The following PLD1 variants were observed in gnomAD, a reference collection of about 807,000 sequenced individuals.
PLD1 encodes choline phosphatase 1.
Under a neutral mutation model 137.1 loss-of-function variants are expected in PLD1, and 112 were observed. The observed-to-expected ratio is 0.82, with a 90% confidence interval of 0.70 to 0.96. PLD1 has a LOEUF of 0.96. Ranked by LOEUF, PLD1 falls within the 40% of genes least tolerant of loss-of-function variation. The probability of loss-of-function intolerance (pLI) is 0.00; values close to 1 mark genes in which losing one functional copy is unlikely to be tolerated. For synonymous variants in PLD1, 431 were observed against 454.7 expected (o/e 0.95, Z 0.66); for missense variants, 1,321 against 1,342.0 (o/e 0.98, Z 0.24).
At chr3:171,690,832 C>T (rs1715083456) in intron 13 of PLD1, among the ~76,000 whole-genome samples, 1 of 152,122 alleles carries the variant, frequency 6.6e-6, no homozygotes, top group South Asian at 2.1e-4. Flanking sequence ...TCTGTATGCC[C>T]ATTGGATCCA....
At chr3:171,689,488 CTCCT>C (rs200165498) in intron 13 of PLD1, among the ~76,000 whole-genome samples, 4,361 of 149,724 alleles carry the variant, frequency 0.029, 110 homozygotes, top group Non-Finnish European at 0.038. Flanking sequence ...CCTTCCTTCC[CTCCT>C]TCCTTCCTTC....
intron 13 of PLD1, among the ~76,000 whole-genome samples, chr3:171,689,782 A>ACG (rs1714965917): frequency 2.6e-5 from 4 of 151,922 alleles, no homozygotes; most frequent in Non-Finnish European, 4.4e-5. Flanking sequence ...GACTACATGC[A>ACG]TGAGCCACCA....
Position 171,601,539 on chromosome 3 carries a change from T to C in PLD1, c.*1539A>G, listed in dbSNP as rs1339035851. The C allele has an allele frequency of 6.6e-6, 1 of 152,112 alleles. No homozygotes were observed. Among genetic ancestry groups the C allele is most frequent in the East Asian group, 1.9e-4 (1 of 5,204 alleles). The allele number at this position is 152,112 out of a possible 1,614,324, so 9.4% of individuals were successfully genotyped here. A position where few individuals can be genotyped will look rare whatever the true frequency, so the allele number is the denominator to read the frequency against. ...TATTGGTTACAAAATCTCACCTTAT[T>C]TGTGAAATGTTCCCTAGCTATGAGA... On this transcript the variant is annotated 3_prime_UTR_variant, in exon 27 of 27. Coordinates refer to ENST00000351298, the MANE Select transcript of PLD1 (RefSeq NM_002662.5).
intron 1 of PLD1, among the ~76,000 whole-genome samples, chr3:171,762,372 A>T (rs918459009): frequency 2.0e-5 from 3 of 152,222 alleles, no homozygotes; most frequent in Non-Finnish European, 4.4e-5. Flanking sequence ...AAATATCCAC[A>T]TGAAGTAAGA....
At chr3:171,724,608 G>T in intron 8 of PLD1, 88 bp downstream of exon 8, 1 of 763,176 alleles carries the variant, frequency 1.3e-6, no homozygotes, top group Non-Finnish European at 2.3e-6. Context: ...GCTTTTAAAG[G>T]ATTTATAATT....
At chr3:171,805,529 C>T (rs905438168) in intron 1 of PLD1, among the ~76,000 whole-genome samples, 1 of 152,204 alleles carries the variant, frequency 6.6e-6, no homozygotes, top group Non-Finnish European at 1.5e-5. Flanking sequence ...GCCCAATCTC[C>T]TCACAATCAG....
rs1459702724 is a variant in PLD1 at position 171,602,830 on chromosome 3, C to T, written c.*248G>A. 1 of 508,724 alleles carries T rather than the reference C, an allele frequency of 2.0e-6. No homozygotes were observed. The highest frequency in any genetic ancestry group is 3.5e-6 in the Non-Finnish European group (1 of 285,038). The allele number at this position is 508,724 out of a possible 1,614,324, so 31.5% of individuals were successfully genotyped here. On this transcript the variant is annotated 3_prime_UTR_variant, in exon 27 of 27. Coordinates refer to ENST00000351298, the MANE Select transcript of PLD1 (RefSeq NM_002662.5). ...GAATTTGAATATGTGTTTTACTCAA[C>T]AGAGTACATGCTACCAACAAGAATG...
chr3:171,802,053 T>C (rs920398068), intron 1 of PLD1, among the ~76,000 whole-genome samples: 1 of 152,224 alleles, frequency 6.6e-6, no homozygotes, highest in African/African-American at 2.4e-5. Context: ...TGAATCATTG[T>C]CATAAAAACA....
At chr3:171,639,848 C>CTCTCTATATATATATATATATATA (rs3050415) in intron 23 of PLD1, among the ~76,000 whole-genome samples, 2 of 110,192 alleles carry the variant, frequency 1.8e-5, no homozygotes, top group African/African-American at 7.8e-5. Context: ...CTCTCTCTCT[C>CTCTCTATATATATATATATATATA]TATATATATA....
intron 1 of PLD1, among the ~76,000 whole-genome samples, chr3:171,764,502 G>A (rs1222122683): frequency 6.6e-6 from 1 of 152,028 alleles, no homozygotes; most frequent in African/African-American, 2.4e-5. Context: ...ATCTAACCCA[G>A]TAATTTTGCA....
intron 1 of PLD1, among the ~76,000 whole-genome samples, chr3:171,763,913 T>C (rs1399069626): frequency 2.0e-5 from 3 of 148,300 alleles, no homozygotes; most frequent in Non-Finnish European, 3.0e-5. Flanking sequence ...TAGGAAGCAG[T>C]AATCAGCCTA....
intron 23 of PLD1, among the ~76,000 whole-genome samples, chr3:171,625,395 C>T (rs1316788961): frequency 6.6e-6 from 1 of 152,256 alleles, no homozygotes; most frequent in Non-Finnish European, 1.5e-5. Context: ...GGAGGCCTGC[C>T]TGCCTCTGTA....
At chr3:171,647,483 CTT>C (rs1736346802) in intron 21 of PLD1, among the ~76,000 whole-genome samples, 1 of 151,150 alleles carries the variant, frequency 6.6e-6, no homozygotes. Flanking sequence ...GAGTTTCGCT[CTT>C]GTTGCCCAGG....
chr3:171,652,237 C>T (rs573108624), intron 21 of PLD1, among the ~76,000 whole-genome samples: 1 of 152,138 alleles, frequency 6.6e-6, no homozygotes, highest in East Asian at 1.9e-4. Flanking sequence ...CACAGTGAAA[C>T]CCCGTCTCTA....
At chr3:171,758,668 T>C (rs41273599) in intron 1 of PLD1, among the ~76,000 whole-genome samples, 8,345 of 152,286 alleles carry the variant, frequency 0.055, 315 homozygotes, top group Middle Eastern at 0.19. Context: ...AAACACTTCC[T>C]TCATGATAGG....
At chr3:171,686,998 G>A (rs1023086017) in intron 15 of PLD1, among the ~76,000 whole-genome samples, 200 bp from the exon 16 acceptor site, 16 of 152,194 alleles carry the variant, frequency 1.1e-4, no homozygotes, top group Admixed American at 5.9e-4. Flanking sequence ...GATGTTTGAC[G>A]AAATAAGCTT....
At chr3:171,809,182 G>A (rs1724006715) in intron 1 of PLD1, 1 of 152,176 alleles carries the variant, frequency 6.6e-6, no homozygotes, top group African/African-American at 2.4e-5. Flanking sequence ...AAGCCAGACT[G>A]AGCGCTTATA....
Position 171,640,531 on chromosome 3 carries a change from T to C in PLD1, c.2593+2309A>G, listed in dbSNP as rs563175919. The stretch of plus-strand genomic sequence containing the variant: ...CATTGTGGTCAGAGAACATACTTTA[T>C]ACAATTCCTTAAATGCCTGTACCAA... On this transcript the variant is annotated intron_variant, in intron 23 of 26. Transcript: ENST00000351298. Among the ~76,000 whole-genome samples, 3 of 152,364 alleles carry C rather than the reference T, an allele frequency of 2.0e-5. No homozygotes were observed. The East Asian group carries it at 5.8e-4, about 29-fold the overall frequency.
At chr3:171,717,875 GCT>G (rs1306968581) in intron 8 of PLD1, among the ~76,000 whole-genome samples, 1 of 152,118 alleles carries the variant, frequency 6.6e-6, no homozygotes, top group East Asian at 1.9e-4. Context: ...GTCATAGATG[GCT>G]CTTATTATTT....
Sources: allele counts gnomAD v4.1 joint callset (sites outside exome capture counted in the v4.1 genomes callset), GRCh38; gene constraint gnomAD v4.1.1; transcripts MANE v1.5; gene names NCBI Gene and HGNC (gene_info 2026-07-23, HGNC 2026-07-21).